LOC128092252: variants seen among roughly 807,000 people sequenced by gnomAD.
At chr15:50,657,611 C>A in the LOC128092252 span, among the ~76,000 whole-genome samples, 1 of 152,180 alleles carries the variant, frequency 6.6e-6, no homozygotes, top group African/African-American at 2.4e-5. Flanking sequence ...GGTAGCTTCA[C>A]CTGAGTTTCA....
chr15:50,684,296 C>A, the LOC128092252 span, among the ~76,000 whole-genome samples: 14 of 151,934 alleles, frequency 9.2e-5, no homozygotes, highest in African/African-American at 2.4e-4. Flanking sequence ...AGGATTACCA[C>A]GCCCGATTAC....
the LOC128092252 span, among the ~76,000 whole-genome samples, chr15:50,663,955 ACT>A: frequency 4.0e-5 from 6 of 150,190 alleles, no homozygotes; most frequent in Admixed American, 1.3e-4. Flanking sequence ...AGAGTGAGAG[ACT>A]CTGTCTCAAA....
the LOC128092252 span, among the ~76,000 whole-genome samples, chr15:50,667,875 T>C: frequency 2.8e-4 from 43 of 152,152 alleles, 1 homozygote; most frequent in East Asian, 4.0e-3. Flanking sequence ...AAATATGAAA[T>C]GGTGTTTGGC....
the LOC128092252 span, among the ~76,000 whole-genome samples, chr15:50,654,959 C>T: frequency 6.2e-5 from 9 of 144,462 alleles, no homozygotes; most frequent in Admixed American, 6.2e-4. Flanking sequence ...TGAGACTGCG[C>T]CACTGCACTC....
At chr15:50,668,581 T>C in the LOC128092252 span, among the ~76,000 whole-genome samples, 1 of 152,166 alleles carries the variant, frequency 6.6e-6, no homozygotes, top group Admixed American at 6.5e-5. Flanking sequence ...GATCTCAGCT[T>C]ACTGCTAACT....
At chr15:50,675,324 CAA>C in the LOC128092252 span, among the ~76,000 whole-genome samples, 1 of 150,290 alleles carries the variant, frequency 6.7e-6, no homozygotes, top group Non-Finnish European at 1.5e-5. Context: ...ACCCAGGCGA[CAA>C]GAGCAAAATT....
the LOC128092252 span, among the ~76,000 whole-genome samples, chr15:50,649,641 A>T: frequency 6.6e-6 from 1 of 152,158 alleles, no homozygotes; most frequent in Non-Finnish European, 1.5e-5. Flanking sequence ...ATAGTGACAA[A>T]AGGGTGATCA....
chr15:50,686,535 C>A, the LOC128092252 span: 1 of 1,611,888 alleles, frequency 6.2e-7, no homozygotes, highest in African/African-American at 1.3e-5. Flanking sequence ...CAGTACCATT[C>A]TCCTCACGGG....
At chr15:50,683,430 T>C in the LOC128092252 span, among the ~76,000 whole-genome samples, 3 of 151,110 alleles carry the variant, frequency 2.0e-5, no homozygotes, top group African/African-American at 7.3e-5. Flanking sequence ...TGGTCAATCT[T>C]AACATTTAAA....
the LOC128092252 span, among the ~76,000 whole-genome samples, chr15:50,677,170 A>G: frequency 6.6e-6 from 1 of 152,158 alleles, no homozygotes; most frequent in African/African-American, 2.4e-5. Flanking sequence ...AGGCTCTCAG[A>G]CAGCTGCCTC....
chr15:50,670,033 T>G, the LOC128092252 span, among the ~76,000 whole-genome samples: 1 of 152,198 alleles, frequency 6.6e-6, no homozygotes, highest in Non-Finnish European at 1.5e-5. Flanking sequence ...TATTAATCTT[T>G]CAGATATCAT....
At chr15:50,667,754 T>A in the LOC128092252 span, among the ~76,000 whole-genome samples, 1 of 152,122 alleles carries the variant, frequency 6.6e-6, no homozygotes, top group Non-Finnish European at 1.5e-5. Context: ...TAAAATTGGA[T>A]CAATTTGTCT....
chr15:50,655,748 A>G, the LOC128092252 span, among the ~76,000 whole-genome samples: 6 of 152,200 alleles, frequency 3.9e-5, no homozygotes, highest in Non-Finnish European at 7.3e-5. Flanking sequence ...CTGGAATTCC[A>G]GCACTTTGGG....
At chr15:50,655,173 C>A in the LOC128092252 span, among the ~76,000 whole-genome samples, 1 of 150,554 alleles carries the variant, frequency 6.6e-6, no homozygotes, top group Non-Finnish European at 1.5e-5. Flanking sequence ...CAGTGGCTCA[C>A]GCCTGTAATC....
chr15:50,679,487 TATTA>T, the LOC128092252 span, among the ~76,000 whole-genome samples: 4 of 139,288 alleles, frequency 2.9e-5, no homozygotes, highest in South Asian at 2.2e-4. Context: ...TATATATATA[TATTA>T]TATATATGTG....
At chr15:50,654,339 C>A in the LOC128092252 span, among the ~76,000 whole-genome samples, 3 of 150,920 alleles carry the variant, frequency 2.0e-5, no homozygotes, top group Non-Finnish European at 3.0e-5. Flanking sequence ...CCCAGCTACT[C>A]GGGAGGCTAA....
chr15:50,666,169 C>T, the LOC128092252 span, among the ~76,000 whole-genome samples: 52 of 151,722 alleles, frequency 3.4e-4, no homozygotes, highest in Non-Finnish European at 5.7e-4. Flanking sequence ...CTTAGGTTAA[C>T]AAAATTGGTA....
At chr15:50,650,978 C>T in the LOC128092252 span, among the ~76,000 whole-genome samples, 2 of 152,112 alleles carry the variant, frequency 1.3e-5, no homozygotes, top group Non-Finnish European at 2.9e-5. Flanking sequence ...TGCTTGAGCC[C>T]AGGAGTTTAG....
At chr15:50,665,735 C>T in the LOC128092252 span, among the ~76,000 whole-genome samples, 8 of 152,168 alleles carry the variant, frequency 5.3e-5, no homozygotes, top group African/African-American at 1.9e-4. Flanking sequence ...TGGATCACGC[C>T]TGTAATCCCA....
Sources: allele counts gnomAD v4.1 joint callset (sites outside exome capture counted in the v4.1 genomes callset), GRCh38; gene constraint gnomAD v4.1.1; transcripts MANE v1.5.